The following AKAP13 variants were observed in gnomAD, a reference collection of about 807,000 sequenced individuals.
AKAP13 encodes A-kinase anchoring protein 13.
AKAP13 carries 80 observed loss-of-function variants against 264.5 expected under a neutral mutation model. The ratio of observed to expected loss-of-function variants is 0.30; its 90% confidence interval spans 0.25 to 0.36. AKAP13 has a LOEUF of 0.36. Among genes scored for constraint, AKAP13 ranks in the 10% least tolerant of loss-of-function variants. The pLI is 1.00. For synonymous variants in AKAP13, 1,380 were observed against 1,250.2 expected (o/e 1.10, Z -2.19); for missense variants, 3,712 against 3,435.2 (o/e 1.08, Z -2.01).
chr15:85,643,386 A>G (rs988594966), intron 9 of AKAP13, among the ~76,000 whole-genome samples: 1 of 152,168 alleles, frequency 6.6e-6, no homozygotes, highest in Non-Finnish European at 1.5e-5. Flanking sequence ...ACCTATACCA[A>G]TGCAATGCAA....
At chr15:85,561,829 T>C (rs1274346890) in intron 5 of AKAP13, among the ~76,000 whole-genome samples, 1 of 152,240 alleles carries the variant, frequency 6.6e-6, no homozygotes, top group Non-Finnish European at 1.5e-5. Flanking sequence ...CGCCATGGAC[T>C]ACTAACTTCT....
rs1783731493 is a variant in AKAP13, at chr15:85,442,863, C to T, written c.-11-42847C>T. On this transcript the variant is annotated intron_variant, in intron 1 of 36. Coordinates refer to ENST00000394518, the MANE Select transcript of AKAP13 (RefSeq NM_007200.5). ...GAGAAGGGAAAAGGATGGGAACTCACATTTGATGAGCATCTATTGTGAGCT... is the reference window on the plus strand; with the variant it reads ...GAGAAGGGAAAAGGATGGGAACTCATATTTGATGAGCATCTATTGTGAGCT... Among the ~76,000 whole-genome samples the T allele has an allele frequency of 3.3e-5, 5 of 152,162 alleles. No individual in the cohort carries two copies. The Middle Eastern group carries it at 0.017, about 521-fold the overall frequency.
At chr15:85,630,174 C>G (rs946821991) in intron 8 of AKAP13, among the ~76,000 whole-genome samples, 1 of 68,762 alleles carries the variant, frequency 1.5e-5, no homozygotes, top group Non-Finnish European at 3.1e-5. Context: ...CATACACACA[C>G]ACACACACAC....
chr15:85,435,675 GAA>G (rs2073252311), intron 1 of AKAP13, among the ~76,000 whole-genome samples: 1 of 75,434 alleles, frequency 1.3e-5, no homozygotes, highest in South Asian at 5.3e-4. Context: ...CATTCTTAAA[GAA>G]AAGAATTTTC....
chr15:85,494,103 T>A (rs1030538394), intron 2 of AKAP13, among the ~76,000 whole-genome samples: 1 of 152,138 alleles, frequency 6.6e-6, no homozygotes, highest in African/African-American at 2.4e-5. Flanking sequence ...CAACTACTCA[T>A]ACCATCTCTT....
At chr15:85,743,927 C>G (rs1240013861) in intron 36 of AKAP13, 102 bp downstream of exon 36, 8 of 1,355,978 alleles carry the variant, frequency 5.9e-6, no homozygotes, top group Non-Finnish European at 3.9e-6. Context: ...GGGGACAGTT[C>G]AGATGCTCAA....
intron 29 of AKAP13, among the ~76,000 whole-genome samples, chr15:85,729,797 G>A (rs1014003204): frequency 2.0e-5 from 3 of 152,060 alleles, no homozygotes; most frequent in South Asian, 2.1e-4. Flanking sequence ...TTAGCCAGGC[G>A]TGGTGGCACA....
At chr15:85,586,311 C>T (rs1337297865) in intron 8 of AKAP13, among the ~76,000 whole-genome samples, 1 of 152,020 alleles carries the variant, frequency 6.6e-6, no homozygotes, top group Non-Finnish European at 1.5e-5. Context: ...CTGCCTTCGC[C>T]TCCTGCCTAA....
chr15:85,525,864 A>G (rs2077021786), intron 3 of AKAP13, among the ~76,000 whole-genome samples: 2 of 152,222 alleles, frequency 1.3e-5, no homozygotes, highest in South Asian at 4.1e-4. Flanking sequence ...GAAACTGTGA[A>G]TTTAGACCAA....
intron 4 of AKAP13, chr15:85,536,436 A>C (rs973078096): frequency 6.6e-6 from 1 of 152,308 alleles, no homozygotes; most frequent in African/African-American, 2.4e-5. Context: ...TTAAACATAC[A>C]CTTAGCGTAT....
intron 14 of AKAP13, among the ~76,000 whole-genome samples, chr15:85,680,419 C>T (rs1193989509): frequency 1.3e-5 from 2 of 152,132 alleles, no homozygotes; most frequent in Non-Finnish European, 2.9e-5. Flanking sequence ...GCTAATCTTT[C>T]CCTCTTACCT....
intron 35 of AKAP13, 121 bp downstream of exon 35, chr15:85,741,616 C>G: frequency 1.4e-6 from 2 of 1,400,952 alleles, no homozygotes; most frequent in Non-Finnish European, 1.9e-6. Flanking sequence ...ATGCTCATGC[C>G]TGTGATCCCA....
chr15:85,608,028 C>T lies in AKAP13; in HGVS notation c.4161+22205C>T, dbSNP rs546046786. 7.2e-5 allele frequency among the ~76,000 whole-genome samples: 11 copies of T among 152,210 alleles called. 1 individual carries two copies. The South Asian group carries it at 1.7e-3, about 23-fold the overall frequency. On this transcript the variant is annotated intron_variant, in intron 8 of 36. Transcript: ENST00000394518. Reference sequence around the variant, plus strand: ...AGTTGTACCTCTGCATTTTTTGGAGCGCATGACTGTACAATGGTGTATATT... The same window carrying T: ...AGTTGTACCTCTGCATTTTTTGGAGTGCATGACTGTACAATGGTGTATATT...
intron 1 of AKAP13, among the ~76,000 whole-genome samples, chr15:85,389,406 C>T (rs2070745108): frequency 6.6e-6 from 1 of 152,204 alleles, no homozygotes; most frequent in Non-Finnish European, 1.5e-5. Context: ...TTGTTCCCTT[C>T]TCTTTGGGAC....
intron 1 of AKAP13, among the ~76,000 whole-genome samples, chr15:85,459,043 T>C (rs956518798): frequency 1.3e-5 from 2 of 152,246 alleles, no homozygotes; most frequent in Non-Finnish European, 2.9e-5. Context: ...AATCTACAGC[T>C]CTAACCAAGA....
At chr15:85,380,823 A>C (rs2083378810) in intron 1 of AKAP13, 25 bp downstream of exon 1, 1 of 149,806 alleles carries the variant, frequency 6.7e-6, no homozygotes, top group African/African-American at 2.5e-5. Context: ...TAGTTGGCGG[A>C]GTTGGGGGAA....
intron 8 of AKAP13, among the ~76,000 whole-genome samples, chr15:85,601,608 T>TTGTGTGTGTGTGTGTGTG (rs10574160): frequency 0.032 from 4,247 of 131,958 alleles, 110 homozygotes; most frequent in Middle Eastern, 0.073. Flanking sequence ...CCTGAATTCT[T>TTGTGTGTGTGTGTGTGTG]TGTGTGTGTG....
At chr15:85,472,240 T>TGCCC (rs2074987344) in intron 1 of AKAP13, among the ~76,000 whole-genome samples, 1 of 151,168 alleles carries the variant, frequency 6.6e-6, no homozygotes, top group Non-Finnish European at 1.5e-5. Flanking sequence ...GGTGCAGTGG[T>TGCCC]GCCCACCTGT....
rs1279763897 is a variant in AKAP13 at position 85,617,839 on chromosome 15, A to G, written c.4162-21535A>G. Reference sequence around the variant, plus strand: ...GCCCTAGACCACATAGTTTGGAAGTATTTGTAAATCTCTGGTCAAGTTCCC... The same window carrying G: ...GCCCTAGACCACATAGTTTGGAAGTGTTTGTAAATCTCTGGTCAAGTTCCC... On this transcript the variant is annotated intron_variant, in intron 8 of 36. Coordinates refer to ENST00000394518, the MANE Select transcript of AKAP13 (RefSeq NM_007200.5). 5.3e-5 allele frequency among the ~76,000 whole-genome samples: 8 copies of G among 152,372 alleles called. No homozygotes were observed. In the East Asian group the frequency reaches 1.5e-3, roughly 29 times the overall value.
Sources: allele counts gnomAD v4.1 joint callset (sites outside exome capture counted in the v4.1 genomes callset), GRCh38; gene constraint gnomAD v4.1.1; transcripts MANE v1.5; gene names NCBI Gene and HGNC (gene_info 2026-07-23, HGNC 2026-07-21).